Variants in SLC35F3 observed in about 807,000 individuals in gnomAD.
The protein encoded by SLC35F3 is solute carrier family 35 member F3, also known as putative thiamine transporter SLC35F3.
SLC35F3 carries 25 observed loss-of-function variants against 49.9 expected under a neutral mutation model. The ratio of observed to expected loss-of-function variants is 0.50; its 90% confidence interval spans 0.37 to 0.70. The LOEUF (loss-of-function observed/expected upper bound fraction) is 0.70. Ranked by LOEUF, SLC35F3 falls within the 30% of genes least tolerant of loss-of-function variation. SLC35F3 has a pLI of 0.00. For missense variants in SLC35F3, 525 were observed against 639.8 expected, an observed-to-expected ratio of 0.82 and a Z score of 1.94; for synonymous variants, 275 against 265.4, an observed-to-expected ratio of 1.04 and a Z score of -0.35.
chr1:234,231,631 C>T lies in SLC35F3; in HGVS notation c.498C>T (p.Pro166=), dbSNP rs754879791. The change falls in exon 3 of 8, where the codon CCC becomes CCT. Residue 166 remains proline, a synonymous_variant. Transcript: ENST00000366618. The surrounding 1 kb of genome is among the most constrained non-coding windows in gnomAD (Gnocchi z 5.4). ...AKLTFRKFDA[P]FTLTWFATNW... ...TGACCTTCAGGAAGTTCGACGCGCC[C>T]TTCACCCTCACGTGGTTTGCCACCA... 6.2e-7 allele frequency: 1 copy of T among 1,614,110 alleles called. No individual in the cohort carries two copies. Among genetic ancestry groups the T allele is most frequent in the South Asian group, 1.1e-5 (1 of 91,092 alleles).
intron 2 of SLC35F3, among the ~76,000 whole-genome samples, chr1:233,969,918 A>G (rs1239415534): frequency 6.6e-6 from 1 of 152,150 alleles, no homozygotes; most frequent in Non-Finnish European, 1.5e-5. Context: ...GGAACGGGGA[A>G]GGATTCTCTC....
chr1:234,180,760 C>T (rs1157425680), intron 2 of SLC35F3, among the ~76,000 whole-genome samples: 1 of 152,168 alleles, frequency 6.6e-6, no homozygotes, highest in Non-Finnish European at 1.5e-5. Context: ...TCATCACATA[C>T]CCAGGCAGGG....
At chr1:234,007,416 C>T (rs1572017315) in intron 2 of SLC35F3, among the ~76,000 whole-genome samples, 2 of 151,996 alleles carry the variant, frequency 1.3e-5, no homozygotes, top group South Asian at 4.1e-4. Context: ...GTTCCTCCTG[C>T]GGAGAAGGGC....
At chr1:233,924,171 G>A (rs527464797) in intron 2 of SLC35F3, among the ~76,000 whole-genome samples, 31 of 152,280 alleles carry the variant, frequency 2.0e-4, no homozygotes, top group South Asian at 1.7e-3. Flanking sequence ...AATGATTTAC[G>A]GAAAATTCCC....
chr1:234,053,929 G>A (rs1041237158), intron 2 of SLC35F3, among the ~76,000 whole-genome samples: 4 of 152,110 alleles, frequency 2.6e-5, no homozygotes, highest in Non-Finnish European at 4.4e-5. Flanking sequence ...ATGAAATTCT[G>A]GGTTGAAAAT....
At chr1:233,951,508 T>A (rs1028658429) in intron 2 of SLC35F3, among the ~76,000 whole-genome samples, 2 of 152,076 alleles carry the variant, frequency 1.3e-5, no homozygotes, top group African/African-American at 4.8e-5. Context: ...TGTTTAGATA[T>A]GTTTAGATGC....
At chr1:234,312,854 T>C (rs10910411) in intron 4 of SLC35F3, among the ~76,000 whole-genome samples, 20,561 of 128,110 alleles carry the variant, frequency 0.16, 1,763 homozygotes, top group African/African-American at 0.34. Flanking sequence ...TTTTTTTAGG[T>C]TTTTTTGTTT....
In SLC35F3 at chr1:233,905,133, G is replaced by T. The variant is rs1661750316; in HGVS notation, c.53+3G>T. 1 of 1,555,506 alleles carries T rather than the reference G, an allele frequency of 6.4e-7. No homozygotes were observed. Among genetic ancestry groups the T allele is most frequent in the Admixed American group, 2.0e-5 (1 of 51,274 alleles). Reference sequence around the variant, plus strand: ...CCCAGGGGCAAGAGCATTGCCGTGTGAGTAGCGCCCCGGGCGTGGGTGAGC... The same window carrying T: ...CCCAGGGGCAAGAGCATTGCCGTGTTAGTAGCGCCCCGGGCGTGGGTGAGC... On this transcript the variant is annotated splice_donor_region_variant and intron_variant, in intron 1 of 7. Coordinates refer to ENST00000366618, the MANE Select transcript of SLC35F3 (RefSeq NM_173508.4).
chr1:233,919,375 A>T (rs1212320368), intron 2 of SLC35F3, among the ~76,000 whole-genome samples: 1 of 152,204 alleles, frequency 6.6e-6, no homozygotes. Context: ...CTCTGGCCAC[A>T]TCACTGTCCC....
chr1:233,952,714 CT>C (rs997546435), intron 2 of SLC35F3, among the ~76,000 whole-genome samples: 11 of 152,170 alleles, frequency 7.2e-5, no homozygotes, highest in Non-Finnish European at 1.5e-4. Flanking sequence ...GAGAACCATG[CT>C]TTCTTCACTC....
chr1:234,165,417 G>A (rs1392637347), intron 2 of SLC35F3, among the ~76,000 whole-genome samples: 1 of 152,188 alleles, frequency 6.6e-6, no homozygotes, highest in Non-Finnish European at 1.5e-5. Context: ...TTTTTGTAGA[G>A]AGAGAAGGTC....
chr1:234,269,891 T>C (rs184916113), intron 3 of SLC35F3, among the ~76,000 whole-genome samples: 133 of 152,274 alleles, frequency 8.7e-4, no homozygotes, highest in African/African-American at 3.0e-3. Context: ...CTTCCGCTTC[T>C]GCCATGAGTG....
chr1:234,185,444 T>G (rs1425455461), intron 2 of SLC35F3, among the ~76,000 whole-genome samples: 3 of 152,202 alleles, frequency 2.0e-5, no homozygotes, highest in Admixed American at 6.5e-5. Flanking sequence ...ACATTTCATT[T>G]TGTAATTTTA....
chr1:234,084,808 G>T (rs528811169), intron 2 of SLC35F3, among the ~76,000 whole-genome samples: 1 of 146,302 alleles, frequency 6.8e-6, no homozygotes, highest in East Asian at 5.6e-4. Context: ...TCCTGACACT[G>T]ACTGGATGTA....
At chr1:234,149,624 T>TAC (rs1362517405) in intron 2 of SLC35F3, among the ~76,000 whole-genome samples, 1 of 152,172 alleles carries the variant, frequency 6.6e-6, no homozygotes, top group African/African-American at 2.4e-5. Flanking sequence ...TTCCTGGACA[T>TAC]CTGTTTCATA....
rs185377041 is a variant in SLC35F3, at chr1:233,912,868, A to G, written c.283+7110A>G. ...TAGTTGACCAAGGATAACTGAAACCATGGGAAGCAAAACCATGGAAAAGGG... is the reference window on the plus strand; with the variant it reads ...TAGTTGACCAAGGATAACTGAAACCGTGGGAAGCAAAACCATGGAAAAGGG... On this transcript the variant is annotated intron_variant, in intron 2 of 7. Coordinates refer to ENST00000366618, the MANE Select transcript of SLC35F3 (RefSeq NM_173508.4). 1.2e-4 allele frequency among the ~76,000 whole-genome samples: 19 copies of G among 152,352 alleles called. No homozygotes were observed. The East Asian group carries it at 3.5e-3, about 28-fold the overall frequency.
chr1:234,108,740 T>A (rs56711595), intron 2 of SLC35F3, among the ~76,000 whole-genome samples: 20,293 of 80,014 alleles, frequency 0.25, 3,466 homozygotes, highest in Non-Finnish European at 0.31. Context: ...TATATATCTT[T>A]TATATATAAA....
At position 234,318,834 on chromosome 1, in the gene SLC35F3, C is replaced by T. The variant is rs770391850; in HGVS notation, c.1038C>T (p.Leu346=). The T allele has an allele frequency of 1.0e-4, 166 of 1,614,076 alleles. No individual in the cohort carries two copies. The highest frequency in any genetic ancestry group is 8.5e-6 in the Non-Finnish European group (10 of 1,180,020). Residue 346 remains leucine (L), a synonymous_variant, in exon 6 of 8, where the codon CTC becomes CTT. Transcript: ENST00000366618. ...FLSILGVFNI[L]FITCIPIILY... ...CCATCTTGGGTGTGTTTAACATCCT[C>T]TTCATCACCTGCATTCCTATTATCC...
chr1:233,988,561 T>C lies in SLC35F3; in HGVS notation c.283+82803T>C, dbSNP rs572428664. Reference sequence around the variant, plus strand: ...TGAGGGTCCTGTGGCTCAAACATGCTTGCTTTCTGTCTTAATTCCCACCCT... The same window carrying C: ...TGAGGGTCCTGTGGCTCAAACATGCCTGCTTTCTGTCTTAATTCCCACCCT... On this transcript the variant is annotated intron_variant, in intron 2 of 7. Transcript: ENST00000366618. 1.4e-4 allele frequency among the ~76,000 whole-genome samples: 21 copies of C among 152,330 alleles called. 1 individual carries two copies. In the South Asian group the frequency reaches 4.4e-3, roughly 32 times the overall value.
Sources: allele counts gnomAD v4.1 joint callset (sites outside exome capture counted in the v4.1 genomes callset), GRCh38; gene constraint gnomAD v4.1.1; non-coding constraint Gnocchi (gnomAD v3.1); transcripts MANE v1.5; gene names NCBI Gene and HGNC (gene_info 2026-07-23, HGNC 2026-07-21).